The following TTC34 variants were observed in gnomAD, a reference collection of about 807,000 sequenced individuals.
TTC34 encodes tetratricopeptide repeat protein 34.
TTC34 carries 44 observed loss-of-function variants against 40.7 expected under a neutral mutation model. That is an observed-to-expected ratio of 1.08 (90% confidence interval 0.85 to 1.39). The LOEUF (loss-of-function observed/expected upper bound fraction) is 1.39, where lower values mean the gene tolerates loss of function less well. Among genes scored for constraint, TTC34 ranks in the 40% most tolerant of loss-of-function variants. The pLI is 0.00. For missense variants in TTC34, 884 were observed against 838.0 expected, an observed-to-expected ratio of 1.05 and a Z score of -0.68; for synonymous variants, 422 against 398.6, an observed-to-expected ratio of 1.06 and a Z score of -0.70.
chr1:2,684,716 C>T (rs1225919197), intron 6 of TTC34, among the ~76,000 whole-genome samples: 2 of 123,230 alleles, frequency 1.6e-5, no homozygotes, highest in African/African-American at 3.7e-5. Context: ...GGCAACCACA[C>T]CCCCAGGCGA....
intron 6 of TTC34, among the ~76,000 whole-genome samples, chr1:2,757,312 C>A (rs1393002160): frequency 7.6e-6 from 1 of 131,678 alleles, no homozygotes; most frequent in Non-Finnish European, 1.6e-5. Flanking sequence ...CCCACACCCC[C>A]AGGCGAGGAT....
At chr1:2,777,688 T>TGG (rs70956335) in intron 6 of TTC34, among the ~76,000 whole-genome samples, 25,939 of 118,654 alleles carry the variant, frequency 0.22, 3,601 homozygotes, top group East Asian at 0.32. Flanking sequence ...GCAGAGGGCA[T>TGG]GGGGGGGGGG....
intron 8 of TTC34, 98 bp from the exon 9 acceptor site, chr1:2,641,993 G>A: frequency 7.7e-7 from 1 of 1,303,914 alleles, no homozygotes; most frequent in Non-Finnish European, 1.0e-6. Flanking sequence ...GCCAGCTTCT[G>A]CTGGCTCCCT....
At position 2,690,578 on chromosome 1, in the gene TTC34, AC is replaced by A. The variant is rs376818530; in HGVS notation, c.2227-45016del. Among the ~76,000 whole-genome samples the A allele has an allele frequency of 7.4e-3, 389 of 52,644 alleles. 1 individual carries two copies. The highest frequency in any genetic ancestry group is 0.015 in the Middle Eastern group (1 of 66). 34.5% of individuals were successfully genotyped at this position (52,644 alleles called of 152,430 possible). ...TCTGACCGCATGGAGCAGCACCCACACCCCCAGGGGAGCATCTGACATCCTG... is the reference window on the plus strand; with the variant it reads ...TCTGACCGCATGGAGCAGCACCCACACCCCAGGGGAGCATCTGACATCCTG... On this transcript the variant is annotated intron_variant, in intron 6 of 8. Transcript: ENST00000401095.
intron 6 of TTC34, among the ~76,000 whole-genome samples, chr1:2,681,225 C>T (rs1640058349): frequency 3.1e-5 from 4 of 128,252 alleles, no homozygotes; most frequent in Admixed American, 2.2e-4. Flanking sequence ...CACCCACACC[C>T]CCAGGCGAGC....
chr1:2,773,177 C>G (rs1569847794), intron 6 of TTC34, among the ~76,000 whole-genome samples: 3 of 132,534 alleles, frequency 2.3e-5, no homozygotes, highest in African/African-American at 5.5e-5. Context: ...AGCGCCCACA[C>G]CCCCAGGTGA....
intron 6 of TTC34, among the ~76,000 whole-genome samples, chr1:2,646,124 G>T (rs941175596): frequency 6.6e-6 from 1 of 152,150 alleles, no homozygotes. Context: ...ACAATACCGC[G>T]CCTGGCCCTA....
intron 6 of TTC34, among the ~76,000 whole-genome samples, chr1:2,699,058 T>C: frequency 1.5e-5 from 2 of 132,482 alleles, no homozygotes; most frequent in Admixed American, 7.6e-5. Flanking sequence ...CAACCACAGG[T>C]GAGCATCGGA....
At chr1:2,649,151 G>T (rs1639077032) in intron 6 of TTC34, among the ~76,000 whole-genome samples, 1 of 151,698 alleles carries the variant, frequency 6.6e-6, no homozygotes, top group Non-Finnish European at 1.5e-5. Context: ...TTACAGCCTG[G>T]AACGGTATCC....
chr1:2,789,885 G>A, exon 3 of TTC34: 1 of 416,542 alleles, frequency 2.4e-6, no homozygotes, highest in East Asian at 3.6e-5. Flanking sequence ...GCCAGGAGAG[G>A]TGCGCGGTCC....
intron 6 of TTC34, among the ~76,000 whole-genome samples, chr1:2,782,486 A>G (rs1643500137): frequency 6.8e-6 from 1 of 146,242 alleles, no homozygotes; most frequent in Non-Finnish European, 1.5e-5. Context: ...CCTATGTTTT[A>G]TTGATCTCTG....
intron 6 of TTC34, among the ~76,000 whole-genome samples, chr1:2,750,383 C>T (rs1213016793): frequency 9.0e-6 from 1 of 111,620 alleles, no homozygotes; most frequent in Non-Finnish European, 1.7e-5. Context: ...GAGCATCTGA[C>T]AGCCTGGAAC....
At chr1:2,686,677 C>CACA (rs1640366447) in intron 6 of TTC34, among the ~76,000 whole-genome samples, 1 of 150,346 alleles carries the variant, frequency 6.7e-6, no homozygotes, top group Admixed American at 6.6e-5. Flanking sequence ...GAACAGCACC[C>CACA]TGCACCCCCA....
chr1:2,749,651 T>G (rs1253197690), intron 6 of TTC34, among the ~76,000 whole-genome samples: 1 of 93,380 alleles, frequency 1.1e-5, no homozygotes, highest in East Asian at 3.3e-4. Context: ...CACCCAGAGG[T>G]GAGCATCCGA....
chr1:2,644,396 G>A, exon 8 of TTC34: 1 of 1,535,956 alleles, frequency 6.5e-7, no homozygotes, highest in South Asian at 1.2e-5. Flanking sequence ...GCTGGAGCAG[G>A]CCCAGCCGGG....
At chr1:2,778,951 C>T (rs1464235152) in intron 6 of TTC34, among the ~76,000 whole-genome samples, 2 of 152,182 alleles carry the variant, frequency 1.3e-5, no homozygotes, top group Admixed American at 6.5e-5. Context: ...CAGGCACCCA[C>T]CATTCTGCTT....
chr1:2,691,829 G>A (rs544927741), intron 6 of TTC34, among the ~76,000 whole-genome samples: 1 of 79,600 alleles, frequency 1.3e-5, no homozygotes, highest in African/African-American at 4.1e-5. Flanking sequence ...CACACCCCCA[G>A]GTGTGCATGT....
At chr1:2,698,673 G>T in intron 6 of TTC34, among the ~76,000 whole-genome samples, 1 of 90,346 alleles carries the variant, frequency 1.1e-5, no homozygotes, top group Non-Finnish European at 2.2e-5. Flanking sequence ...CGCCAGCCTG[G>T]AACAGCACCC....
intron 6 of TTC34, among the ~76,000 whole-genome samples, chr1:2,781,927 G>A (rs924939827): frequency 6.6e-6 from 1 of 152,146 alleles, no homozygotes; most frequent in African/African-American, 2.4e-5. Flanking sequence ...GTATTTTGTT[G>A]AGGATTTTTG....
Sources: allele counts gnomAD v4.1 joint callset (sites outside exome capture counted in the v4.1 genomes callset), GRCh38; gene constraint gnomAD v4.1.1; transcripts MANE v1.5; gene names NCBI Gene and HGNC (gene_info 2026-07-23, HGNC 2026-07-21).